The following ITPR2 variants were observed in gnomAD, a reference collection of about 807,000 sequenced individuals.
ITPR2 encodes the protein inositol 1,4,5-trisphosphate receptor type 2.
In ITPR2, 207 loss-of-function variants were observed where a neutral mutation model predicts 317.1. The observed-to-expected ratio is 0.65, with a 90% CI of 0.58 to 0.73. ITPR2 has a LOEUF of 0.73. Ranked by LOEUF, ITPR2 falls within the 30% of genes least tolerant of loss-of-function variation. ITPR2 has a pLI of 0.00. For synonymous variants in ITPR2, 1,156 were observed against 1,149.1 expected (o/e 1.01, Z -0.12); for missense variants, 2,613 against 3,284.0 (o/e 0.80, Z 4.99).
chr12:26,641,856 C>A (rs1946996990), intron 21 of ITPR2, among the ~76,000 whole-genome samples: 1 of 152,046 alleles, frequency 6.6e-6, no homozygotes, highest in Admixed American at 6.6e-5. Flanking sequence ...GAGGAGAGTC[C>A]TTTTAGGCAC....
chr12:26,751,473 C>G (rs190261416), intron 2 of ITPR2, among the ~76,000 whole-genome samples: 1 of 152,112 alleles, frequency 6.6e-6, no homozygotes, highest in Non-Finnish European at 1.5e-5. Context: ...TCAGGGGGAA[C>G]GAGATCAATT....
intron 30 of ITPR2, 34 bp downstream of exon 30, chr12:26,599,111 G>C (rs187172981): frequency 1.3e-6 from 2 of 1,573,758 alleles, no homozygotes; most frequent in East Asian, 4.5e-5. Flanking sequence ...ATACTGTTTA[G>C]GTGAAGCTGA....
At chr12:26,515,211 G>A (rs1943454265) in intron 37 of ITPR2, among the ~76,000 whole-genome samples, 1 of 152,182 alleles carries the variant, frequency 6.6e-6, no homozygotes. Context: ...ATCAAAGAAA[G>A]TAGTTTTCTT....
At chr12:26,388,954 G>A (rs111336048) in intron 54 of ITPR2, among the ~76,000 whole-genome samples, 209 of 152,222 alleles carry the variant, frequency 1.4e-3, no homozygotes, top group African/African-American at 4.4e-3. Context: ...AAGCCTGGAC[G>A]TCATTCTTGA....
At chr12:26,667,864 T>C (rs891251172) in intron 13 of ITPR2, among the ~76,000 whole-genome samples, 2 of 152,046 alleles carry the variant, frequency 1.3e-5, no homozygotes, top group African/African-American at 4.8e-5. Flanking sequence ...GCCCTGAAAA[T>C]TGGTGACGGT....
chr12:26,643,434 T>C (rs1056981860), intron 21 of ITPR2, among the ~76,000 whole-genome samples: 2 of 152,188 alleles, frequency 1.3e-5, no homozygotes, highest in African/African-American at 4.8e-5. Flanking sequence ...AACATTGCCA[T>C]AAACAGATCC....
At chr12:26,689,342 G>A (rs1330022335) in intron 10 of ITPR2, among the ~76,000 whole-genome samples, 1 of 152,110 alleles carries the variant, frequency 6.6e-6, no homozygotes. Context: ...ACCTGAGCCC[G>A]GAGGTCGAGG....
In ITPR2 at chr12:26,681,917, CTG is replaced by C. The variant is rs1400570044; in HGVS notation, c.1364_1365del (p.Thr455SerfsTer2). 1.2e-6 allele frequency: 2 copies of C among 1,613,144 alleles called. No homozygotes were observed. Among genetic ancestry groups the C allele is most frequent in the Non-Finnish European group, 1.7e-6 (2 of 1,179,290 alleles). ...ATTGTGCCGTTTTCTAGCTTTTTAA[CTG>C]TGGTCGCTAGTACTTTATTGGCATC... ...ANDANKVLAT[T>X]VKKLENGTIT... On this transcript the variant is annotated frameshift_variant, in exon 13 of 57. Coordinates refer to ENST00000381340, the MANE Select transcript of ITPR2 (RefSeq NM_002223.4). LOFTEE classifies it high-confidence loss of function.
intron 47 of ITPR2, among the ~76,000 whole-genome samples, chr12:26,437,337 C>T (rs1253874018): frequency 6.6e-6 from 1 of 152,170 alleles, no homozygotes; most frequent in Non-Finnish European, 1.5e-5. Flanking sequence ...CAACCTAGTG[C>T]CTATTGCCTA....
In ITPR2 at chr12:26,716,089, C is replaced by A; in HGVS notation, c.624+55G>T. The A allele has an allele frequency of 3.5e-6, 4 of 1,153,736 alleles. 1 individual carries two copies. The highest frequency in any genetic ancestry group is 2.6e-5 in the South Asian group (2 of 77,256). The allele number at this position is 1,153,736 out of a possible 1,614,324, so 71.5% of individuals were successfully genotyped here. Reference sequence around the variant, plus strand: ...GAAAGAAACTATATTACTTTTTTCTCCCTCTGTCTCATGAGAAAAATGAAC... The same window carrying A: ...GAAAGAAACTATATTACTTTTTTCTACCTCTGTCTCATGAGAAAAATGAAC... On this transcript the variant is annotated intron_variant, in intron 6 of 56. Transcript: ENST00000381340.
intron 2 of ITPR2, among the ~76,000 whole-genome samples, chr12:26,774,959 T>C (rs990970544): frequency 3.9e-5 from 6 of 152,198 alleles, no homozygotes; most frequent in African/African-American, 1.4e-4. Flanking sequence ...TTCTGCATGG[T>C]TTCCCAGTGG....
At chr12:26,509,766 G>C (rs1410516601) in intron 37 of ITPR2, among the ~76,000 whole-genome samples, 1 of 152,090 alleles carries the variant, frequency 6.6e-6, no homozygotes, top group Non-Finnish European at 1.5e-5. Context: ...ACCTGTGTGG[G>C]AAGGCGGTCC....
At chr12:26,678,896 C>A (rs1410093468) in intron 13 of ITPR2, among the ~76,000 whole-genome samples, 1 of 152,146 alleles carries the variant, frequency 6.6e-6, no homozygotes, top group Non-Finnish European at 1.5e-5. Flanking sequence ...GGTGGAGAGA[C>A]CATAATCTGA....
At chr12:26,346,171 A>T (rs79588892) in intron 55 of ITPR2, among the ~76,000 whole-genome samples, 9,755 of 152,270 alleles carry the variant, frequency 0.064, 434 homozygotes, top group Non-Finnish European at 0.094. Flanking sequence ...CATGTCCCTG[A>T]GAAGTCCCTT....
rs1000317263 is a variant in ITPR2, at chr12:26,428,078, A to G, written c.6780T>C (p.Ser2260=). The G allele has an allele frequency of 2.5e-6, 4 of 1,598,594 alleles. No individual in the cohort carries two copies. The African/African-American group carries it at 4.1e-5, about 16-fold the overall frequency. The change falls in exon 49 of 57, where the codon TCT becomes TCC. Residue 2260 remains serine (S), a synonymous_variant. Coordinates refer to ENST00000381340, the MANE Select transcript of ITPR2 (RefSeq NM_002223.4). ...TCCAAAGAAGAACCGAGAACAATGG[A>G]GAAAGTGTACCTGTAAAATGTGGAA... The part of the protein sequence containing the change: ...FGDDGDEGTL[S]PLFSVLLWIA...
intron 11 of ITPR2, among the ~76,000 whole-genome samples, chr12:26,683,402 A>T (rs1948071893): frequency 6.6e-6 from 1 of 152,158 alleles, no homozygotes; most frequent in African/African-American, 2.4e-5. Flanking sequence ...ATATTTCACA[A>T]TAAGATGGCC....
intron 13 of ITPR2, among the ~76,000 whole-genome samples, chr12:26,669,829 C>T (rs991776248): frequency 9.9e-5 from 15 of 152,206 alleles, no homozygotes; most frequent in Non-Finnish European, 1.9e-4. Context: ...CCTGGAAAAT[C>T]GGGTCACTCC....
chr12:26,401,062 T>C (rs1327475187), intron 52 of ITPR2, among the ~76,000 whole-genome samples: 1 of 133,292 alleles, frequency 7.5e-6, no homozygotes, highest in Non-Finnish European at 1.6e-5. Context: ...AAACCCTATC[T>C]CTACTAAAAA....
chr12:26,682,104 T>G, intron 12 of ITPR2, 70 bp from the exon 13 acceptor site: 1 of 1,223,322 alleles, frequency 8.2e-7, no homozygotes, highest in Non-Finnish European at 1.2e-6. Flanking sequence ...CTAACACATC[T>G]AGTACTGTTT....
Sources: allele counts gnomAD v4.1 joint callset (sites outside exome capture counted in the v4.1 genomes callset), GRCh38; gene constraint gnomAD v4.1.1; transcripts MANE v1.5; gene names NCBI Gene and HGNC (gene_info 2026-07-23, HGNC 2026-07-21).